Variants in TG observed in about 807,000 individuals in gnomAD.
The protein encoded by TG is thyroglobulin, also known as thyroid hormones.
In TG, 270 loss-of-function variants were observed where a neutral mutation model predicts 324.7. The ratio of observed to expected loss-of-function variants is 0.83; its 90% CI spans 0.75 to 0.92. The LOEUF (loss-of-function observed/expected upper bound fraction) is 0.92, where lower values mean the gene tolerates loss of function less well. Ranked by LOEUF, TG falls within the 40% of genes least tolerant of loss-of-function variation. The pLI, the probability that TG is intolerant of heterozygous loss-of-function variation, is 0.00. For missense variants in TG, 3,591 were observed against 3,456.4 expected (o/e 1.04, Z -0.98); for synonymous variants, 1,401 against 1,327.0 (o/e 1.06, Z -1.21).
chr8:132,954,560 C>T (rs886188387), intron 27 of TG, among the ~76,000 whole-genome samples: 3 of 152,286 alleles, frequency 2.0e-5, no homozygotes, highest in Admixed American at 6.5e-5. Flanking sequence ...AGGGTGTGTA[C>T]CCAGTGGTGC....
chr8:133,074,844 C>T (rs1844626211), intron 41 of TG: 2 of 985,470 alleles, frequency 2.0e-6, no homozygotes, highest in Non-Finnish European at 2.4e-6. Context: ...CCACATACTC[C>T]CAAAATACCT....
At chr8:132,998,537 T>C (rs1587722714) in intron 35 of TG, among the ~76,000 whole-genome samples, 1 of 152,062 alleles carries the variant, frequency 6.6e-6, no homozygotes, top group African/African-American at 2.4e-5. Flanking sequence ...AGGAAGAGAA[T>C]TGAGGACATT....
chr8:132,981,173 A>C (rs1830794853), intron 34 of TG, among the ~76,000 whole-genome samples: 1 of 152,214 alleles, frequency 6.6e-6, no homozygotes, highest in African/African-American at 2.4e-5. Flanking sequence ...TGTGAAAGGA[A>C]AGTAAAGCAA....
chr8:132,969,301 T>C (rs894301511), intron 31 of TG, among the ~76,000 whole-genome samples, 157 bp from the exon 32 acceptor site: 2 of 152,222 alleles, frequency 1.3e-5, no homozygotes, highest in Admixed American at 1.3e-4. Context: ...CTTGCCATCA[T>C]TTTAGTGAGA....
chr8:132,971,822 G>A lies in TG; in HGVS notation c.6004G>A (p.Ala2002Thr). ...GFFECERRCD[A>T]DPCCTGFGFL... ...CTTTGAATGTGAACGACGGTGCGAT[G>A]CGGACCCATGCTGCACTGGCTTTGG... The change falls in exon 33 of 48, where the codon GCG (alanine) becomes ACG (threonine). Residue 2002 changes from alanine to threonine, a missense_variant. Transcript: ENST00000220616. 6.2e-7 allele frequency: 1 copy of A among 1,613,838 alleles called. No homozygotes were observed. Among genetic ancestry groups the A allele is most frequent in the Non-Finnish European group, 8.5e-7 (1 of 1,179,756 alleles).
At chr8:133,015,951 G>A (rs1215869864) in intron 37 of TG, among the ~76,000 whole-genome samples, 1 of 150,478 alleles carries the variant, frequency 6.6e-6, no homozygotes, top group African/African-American at 2.5e-5. Flanking sequence ...CTCTCCCTGT[G>A]TCCCCCCACC....
At chr8:132,931,955 G>A (rs1393422158) in intron 23 of TG, among the ~76,000 whole-genome samples, 4 of 152,082 alleles carry the variant, frequency 2.6e-5, no homozygotes, top group African/African-American at 7.2e-5. Context: ...TTAGCCAGGC[G>A]TGATGGTGCG....
At chr8:132,931,467 C>T (rs1182940200) in intron 23 of TG, among the ~76,000 whole-genome samples, 1 of 152,094 alleles carries the variant, frequency 6.6e-6, no homozygotes, top group Non-Finnish European at 1.5e-5. Context: ...GGTTGGATAT[C>T]ATTGTTGGTG....
chr8:133,127,880 C>T (rs1851640085), intron 45 of TG, among the ~76,000 whole-genome samples: 1 of 152,070 alleles, frequency 6.6e-6, no homozygotes, highest in South Asian at 2.1e-4. Context: ...TCCGTGATGG[C>T]CCAAGTGCTG....
chr8:132,911,302 G>T lies in TG; in HGVS notation c.4003-75G>T, dbSNP rs1023918818. On this transcript the variant is annotated intron_variant, in intron 18 of 47. Coordinates refer to ENST00000220616, the MANE Select transcript of TG (RefSeq NM_003235.5). Reference sequence around the variant, plus strand: ...AAGGAAGTAACATAAGCCAAGTTCTGGTTCCTGGTGTGGACCCAACAAAAC... The same window carrying T: ...AAGGAAGTAACATAAGCCAAGTTCTTGTTCCTGGTGTGGACCCAACAAAAC... 2.5e-6 allele frequency: 4 copies of T among 1,613,314 alleles called. No individual in the cohort carries two copies. In the Admixed American group the frequency reaches 6.7e-5, roughly 27 times the overall value.
chr8:133,049,192 GA>G (rs1290038879), intron 41 of TG: 3 of 455,956 alleles, frequency 6.6e-6, no homozygotes, highest in Non-Finnish European at 1.3e-5. Flanking sequence ...GACTACAGGG[GA>G]AAGCAGGGTG....
chr8:132,951,937 A>T (rs72727437), intron 27 of TG, among the ~76,000 whole-genome samples: 9,784 of 152,250 alleles, frequency 0.064, 408 homozygotes, highest in Non-Finnish European at 0.09. Flanking sequence ...GGGTACAGGA[A>T]CAGTTGCAGG....
At chr8:133,082,992 G>T (rs1327805876) in intron 41 of TG, among the ~76,000 whole-genome samples, 1 of 152,194 alleles carries the variant, frequency 6.6e-6, no homozygotes, top group Non-Finnish European at 1.5e-5. Context: ...TGCCCACTGA[G>T]CCACAACTAA....
intron 34 of TG, among the ~76,000 whole-genome samples, chr8:132,982,580 T>C (rs1169982724): frequency 6.6e-6 from 1 of 152,222 alleles, no homozygotes; most frequent in East Asian, 1.9e-4. Context: ...ATGAGGTCCA[T>C]ATCCAGTCTG....
intron 26 of TG, among the ~76,000 whole-genome samples, chr8:132,943,804 C>T (rs1824827484): frequency 6.6e-6 from 1 of 152,226 alleles, no homozygotes; most frequent in African/African-American, 2.4e-5. Flanking sequence ...GGCCTGTTGT[C>T]TCTGGCAGCT....
At chr8:133,059,197 G>A (rs1048245454) in intron 41 of TG, 35 of 451,666 alleles carry the variant, frequency 7.7e-5, no homozygotes, top group Non-Finnish European at 1.2e-4. Flanking sequence ...TCACCCCTGC[G>A]AGGAAATGGG....
chr8:132,924,609 T>C (rs1821567874), intron 22 of TG, among the ~76,000 whole-genome samples: 1 of 152,152 alleles, frequency 6.6e-6, no homozygotes, highest in Non-Finnish European at 1.5e-5. Context: ...AGGTAAACCA[T>C]CAGATATGCT....
At chr8:133,070,596 A>T (rs373425592) in intron 41 of TG, among the ~76,000 whole-genome samples, 7 of 152,270 alleles carry the variant, frequency 4.6e-5, no homozygotes, top group African/African-American at 1.4e-4. Flanking sequence ...GAGGTAAGTA[A>T]TTTGCTCAGA....
intron 26 of TG, among the ~76,000 whole-genome samples, chr8:132,941,952 G>A (rs1224313008): frequency 2.0e-5 from 3 of 152,116 alleles, no homozygotes; most frequent in Non-Finnish European, 4.4e-5. Flanking sequence ...GGACATATTT[G>A]GTCCAAAAAT....
Sources: allele counts gnomAD v4.1 joint callset (sites outside exome capture counted in the v4.1 genomes callset), GRCh38; gene constraint gnomAD v4.1.1; transcripts MANE v1.5; gene names NCBI Gene and HGNC (gene_info 2026-07-23, HGNC 2026-07-21).